Variants in CDKN2B-AS1 observed in about 807,000 individuals in gnomAD.
The protein encoded by CDKN2B-AS1 is CDKN2B and CDKN2A antisense cis and trans regulatory RNA 1, also known as CDKN2B antisense RNA 1 (non-protein coding).
intron 1 of CDKN2B-AS1, among the ~76,000 whole-genome samples, chr9:22,023,396 C>T (rs1179724710): frequency 1.3e-5 from 2 of 152,074 alleles, no homozygotes; most frequent in Non-Finnish European, 2.9e-5. Context: ...GAAATTCTCT[C>T]CTTCACTTAG....
chr9:22,031,165 C>T (rs562188978), intron 1 of CDKN2B-AS1: 1 of 152,150 alleles, frequency 6.6e-6, no homozygotes, highest in Admixed American at 6.5e-5. Flanking sequence ...ATTCACTCAC[C>T]CTTTTAAAAA....
At chr9:22,009,151 C>T (rs1821358923) in intron 1 of CDKN2B-AS1, 5 of 708,726 alleles carry the variant, frequency 7.1e-6, no homozygotes, top group Admixed American at 2.8e-5. Flanking sequence ...TCGTTAGCTC[C>T]GGGCTTTTCC....
chr9:22,008,571 G>T, intron 1 of CDKN2B-AS1: 1 of 1,221,028 alleles, frequency 8.2e-7, no homozygotes, highest in Non-Finnish European at 1.1e-6. Flanking sequence ...ATCATGAGAT[G>T]GCAGAACAAA....
chr9:22,045,598 G>C (rs1368670094), intron 1 of CDKN2B-AS1, among the ~76,000 whole-genome samples: 1 of 152,032 alleles, frequency 6.6e-6, no homozygotes, highest in African/African-American at 2.4e-5. Flanking sequence ...TGGGGGAACA[G>C]TAGTTGTACT....
chr9:22,108,398 T>C (rs1412640558), intron 4 of CDKN2B-AS1, among the ~76,000 whole-genome samples: 1 of 152,122 alleles, frequency 6.6e-6, no homozygotes, highest in Non-Finnish European at 1.5e-5. Flanking sequence ...CAATAAGTAG[T>C]TATTGGTGAG....
At chr9:22,027,984 A>T (rs188056308) in intron 1 of CDKN2B-AS1, among the ~76,000 whole-genome samples, 3 of 152,172 alleles carry the variant, frequency 2.0e-5, no homozygotes, top group Non-Finnish European at 4.4e-5. Flanking sequence ...TCTGGCTTTT[A>T]AGAAATCAAT....
chr9:22,058,291 T>A (rs1823659256), intron 4 of CDKN2B-AS1: 1 of 152,218 alleles, frequency 6.6e-6, no homozygotes, highest in Admixed American at 6.5e-5. Context: ...TCAAGATAAG[T>A]TCATTTTGGC....
intron 4 of CDKN2B-AS1, among the ~76,000 whole-genome samples, chr9:22,057,070 T>A (rs2131291958): frequency 6.6e-6 from 1 of 152,336 alleles, no homozygotes; most frequent in Middle Eastern, 3.4e-3. Flanking sequence ...CGACCCCAAA[T>A]AGGTAACTGC....
intron 4 of CDKN2B-AS1, among the ~76,000 whole-genome samples, chr9:22,094,050 A>G (rs1226233978): frequency 1.4e-5 from 2 of 144,072 alleles, no homozygotes; most frequent in Non-Finnish European, 2.9e-5. Flanking sequence ...TTTTCTGTAA[A>G]GTATTTTATT....
intron 4 of CDKN2B-AS1, among the ~76,000 whole-genome samples, chr9:22,062,347 A>G (rs111372662): frequency 6.6e-4 from 100 of 152,226 alleles, no homozygotes; most frequent in Non-Finnish European, 1.2e-3. Flanking sequence ...CTTGAAAAGG[A>G]AATCTTTACA....
At chr9:22,099,681 G>A (rs993757337) in intron 4 of CDKN2B-AS1, among the ~76,000 whole-genome samples, 1 of 152,108 alleles carries the variant, frequency 6.6e-6, no homozygotes, top group Admixed American at 6.5e-5. Flanking sequence ...TACTGAGATG[G>A]TGGGGTGGTA....
chr9:22,086,663 C>T (rs1824877043), intron 4 of CDKN2B-AS1, among the ~76,000 whole-genome samples: 1 of 152,170 alleles, frequency 6.6e-6, no homozygotes, highest in South Asian at 2.1e-4. Flanking sequence ...TATCTTTCTC[C>T]TGCTCACAGG....
At chr9:22,116,499 C>A (rs562434069) in intron 4 of CDKN2B-AS1, among the ~76,000 whole-genome samples, 1 of 152,132 alleles carries the variant, frequency 6.6e-6, no homozygotes, top group African/African-American at 2.4e-5. Flanking sequence ...GGATGAAAAT[C>A]GAGCAGGAAG....
intron 3 of CDKN2B-AS1, among the ~76,000 whole-genome samples, chr9:22,054,294 A>G (rs1315028673): frequency 2.6e-5 from 4 of 152,246 alleles, no homozygotes; most frequent in Admixed American, 2.0e-4. Flanking sequence ...GCCAGAGTGC[A>G]TGCTCTTAGT....
intron 4 of CDKN2B-AS1, among the ~76,000 whole-genome samples, chr9:22,101,102 A>G (rs1486220397): frequency 6.6e-6 from 1 of 152,192 alleles, no homozygotes; most frequent in Non-Finnish European, 1.5e-5. Flanking sequence ...TTCTGTATTT[A>G]TGAAAATCTT....
chr9:22,009,160 C>T (rs1821360096), intron 1 of CDKN2B-AS1: 6 of 684,684 alleles, frequency 8.8e-6, no homozygotes, highest in Non-Finnish European at 1.0e-5. Context: ...CCGGGCTTTT[C>T]CTGGCGCTCA....
At chr9:22,059,351 G>C (rs112676209) in intron 4 of CDKN2B-AS1, among the ~76,000 whole-genome samples, 1 of 152,164 alleles carries the variant, frequency 6.6e-6, no homozygotes, top group Non-Finnish European at 1.5e-5. Flanking sequence ...GAAGCAAAAG[G>C]GTTACAGGGC....
intron 1 of CDKN2B-AS1, among the ~76,000 whole-genome samples, chr9:22,021,785 T>A (rs1822028507): frequency 6.6e-6 from 1 of 152,160 alleles, no homozygotes; most frequent in African/African-American, 2.4e-5. Flanking sequence ...CCTTTATTTC[T>A]TTCTCTTCCC....
intron 4 of CDKN2B-AS1, among the ~76,000 whole-genome samples, chr9:22,123,904 TATAG>T (rs1826141230): frequency 6.6e-6 from 1 of 152,196 alleles, no homozygotes; most frequent in Non-Finnish European, 1.5e-5. Flanking sequence ...TCTTGTTCTC[TATAG>T]ATAGATGTGT....
Sources: allele counts gnomAD v4.1 joint callset (sites outside exome capture counted in the v4.1 genomes callset), GRCh38; gene constraint gnomAD v4.1.1; transcripts MANE v1.5; gene names NCBI Gene and HGNC (gene_info 2026-07-23, HGNC 2026-07-21).